The following PRKAR1A variants were observed in gnomAD, a reference collection of about 807,000 sequenced individuals.
PRKAR1A encodes cAMP-dependent protein kinase type I-alpha regulatory subunit.
Under a neutral mutation model 52.0 loss-of-function variants are expected in PRKAR1A, and 3 were observed. That is an observed-to-expected ratio of 0.06 (90% CI 0.03 to 0.15). The LOEUF is 0.15. Ranked by LOEUF, PRKAR1A falls within the 10% of genes least tolerant of loss-of-function variation. The pLI is 1.00. For missense variants in PRKAR1A, 240 were observed against 477.4 expected (o/e 0.50, Z 4.63); for synonymous variants, 188 against 168.4 (o/e 1.12, Z -0.90).
chr17:68,457,894 G>A, the PRKAR1A span, among the ~76,000 whole-genome samples: 1,141 of 152,364 alleles, frequency 7.5e-3, 17 homozygotes, highest in African/African-American at 0.026. Context: ...GGGAGGGAGA[G>A]GGAAGAAGGA....
the PRKAR1A span, chr17:68,424,693 T>G: frequency 2.9e-6 from 1 of 342,968 alleles, no homozygotes; most frequent in South Asian, 2.1e-5. Context: ...GTGACCAACA[T>G]GGTGAAACCC....
the PRKAR1A span, among the ~76,000 whole-genome samples, chr17:68,474,911 C>A: frequency 6.6e-6 from 1 of 152,150 alleles, no homozygotes. Context: ...AAATCACAAT[C>A]AAAATGCCCA....
chr17:68,430,959 A>AG, the PRKAR1A span, among the ~76,000 whole-genome samples: 1 of 152,130 alleles, frequency 6.6e-6, no homozygotes, highest in Non-Finnish European at 1.5e-5. Flanking sequence ...CCAATGGGCT[A>AG]GGGGGTCTTT....
Position 68,524,917 on chromosome 17 carries a change from G to C in PRKAR1A, c.508G>C (p.Glu170Gln). ...AGETVIQQGD[E>Q]GDNFYVIDQG... ...ACTTTTTTACCCTCTTTTAGGTGAT[G>C]AAGGGGATAACTTCTATGTGATTGA... The change falls in exon 6 of 11, where the codon GAA (glutamate) becomes CAA (glutamine). Residue 170 changes from glutamate (E) to glutamine (Q), a missense_variant. Glu to Gln is a conservative substitution (Grantham distance 29). This residue lies in a region of PRKAR1A where 107 missense variants were observed against 290.9 expected (regional missense o/e 0.37). Transcript: ENST00000589228. 6.2e-7 allele frequency: 1 copy of C among 1,607,782 alleles called. No individual in the cohort carries two copies. The highest frequency in any genetic ancestry group is 8.5e-7 in the Non-Finnish European group (1 of 1,174,498).
chr17:68,474,453 C>T, the PRKAR1A span, among the ~76,000 whole-genome samples: 8 of 152,276 alleles, frequency 5.3e-5, no homozygotes, highest in African/African-American at 1.4e-4. Flanking sequence ...CCCGGGGGCC[C>T]GCTTGATCTC....
At chr17:68,480,542 G>T in the PRKAR1A span, among the ~76,000 whole-genome samples, 2 of 152,120 alleles carry the variant, frequency 1.3e-5, no homozygotes, top group Admixed American at 6.5e-5. Context: ...AGACTCAGAT[G>T]ACACAAGCTT....
intron 11 of PRKAR1A, among the ~76,000 whole-genome samples, chr17:68,546,885 G>A (rs1170130841): frequency 6.6e-6 from 1 of 151,136 alleles, no homozygotes; most frequent in Non-Finnish European, 1.5e-5. Context: ...TCCTTGATCT[G>A]TGGGCTGCAG....
chr17:68,456,485 C>T, the PRKAR1A span, among the ~76,000 whole-genome samples: 2 of 140,998 alleles, frequency 1.4e-5, no homozygotes, highest in African/African-American at 5.3e-5. Flanking sequence ...CCAGGGCTCG[C>T]TTCCATGAAA....
At chr17:68,520,334 C>G (rs2085565745) in intron 2 of PRKAR1A, among the ~76,000 whole-genome samples, 1 of 152,136 alleles carries the variant, frequency 6.6e-6, no homozygotes, top group Non-Finnish European at 1.5e-5. Flanking sequence ...GTAGTGGGGA[C>G]AGAATTTGAA....
At chr17:68,518,055 A>C (rs2085487316) in intron 2 of PRKAR1A, among the ~76,000 whole-genome samples, 1 of 152,256 alleles carries the variant, frequency 6.6e-6, no homozygotes, top group East Asian at 1.9e-4. Context: ...CATTCAGGGC[A>C]CACTGATGCA....
At chr17:68,551,007 A>G in intron 11 of PRKAR1A, 1 of 1,162,936 alleles carries the variant, frequency 8.6e-7, no homozygotes, top group African/African-American at 1.6e-5. Context: ...ATTGTATTCC[A>G]CTGGAAGAAG....
At chr17:68,537,310 AAG>A (rs1392869870), downstream of PRKAR1A, 3 of 876,368 alleles carry the variant, frequency 3.4e-6, no homozygotes, top group Admixed American at 2.0e-5. The surrounding 1 kb of genome is among the most constrained non-coding windows in gnomAD (Gnocchi z 4.2). Flanking sequence ...CCAAGGAGTA[AAG>A]ATTCAGTTCC....
chr17:68,509,925 C>A (rs1432305798), upstream of PRKAR1A, among the ~76,000 whole-genome samples: 2 of 152,140 alleles, frequency 1.3e-5, no homozygotes, highest in African/African-American at 2.4e-5. Context: ...CAGGACTCAG[C>A]AAGGAAGCAG....
chr17:68,428,950 A>G, the PRKAR1A span: 3 of 1,604,076 alleles, frequency 1.9e-6, no homozygotes, highest in Non-Finnish European at 2.6e-6. Context: ...AGGGCCAAGG[A>G]AAACATAAAC....
the PRKAR1A span, chr17:68,428,758 G>A: frequency 1.4e-4 from 169 of 1,227,360 alleles, no homozygotes; most frequent in Non-Finnish European, 1.7e-4. Flanking sequence ...GAAGCTTGTC[G>A]TTCTTGGCGA....
Position 68,533,332 on chromosome 17 carries a change from G to T in PRKAR1A, c.*2883G>T. ...AGAAGAGCATTCTTTAAATTGTGTT[G>T]CTTTGAACATGTGTACCTTTTCTAG... On this transcript the variant is annotated 3_prime_UTR_variant, in exon 11 of 11. Transcript: ENST00000589228. The T allele has an allele frequency of 9.4e-7, 1 of 1,062,934 alleles. No homozygotes were observed. Among genetic ancestry groups the T allele is most frequent in the Non-Finnish European group, 1.1e-6 (1 of 877,654 alleles). 65.8% of individuals were successfully genotyped at this position (1,062,934 alleles called of 1,614,324 possible). A position where few individuals can be genotyped will look rare whatever the true frequency, so the allele number is the denominator to read the frequency against.
chr17:68,539,372 T>G, intron 11 of PRKAR1A: 1 of 1,614,130 alleles, frequency 6.2e-7, no homozygotes, highest in Non-Finnish European at 8.5e-7. Flanking sequence ...GGATGGAGAT[T>G]TCATCATGGG....
At chr17:68,476,145 A>G in the PRKAR1A span, among the ~76,000 whole-genome samples, 615 of 152,188 alleles carry the variant, frequency 4.0e-3, 9 homozygotes, top group African/African-American at 0.014. Context: ...ATAATCTACT[A>G]TAATATTTAT....
chr17:68,481,546 A>G, the PRKAR1A span, among the ~76,000 whole-genome samples: 1 of 152,170 alleles, frequency 6.6e-6, no homozygotes, highest in African/African-American at 2.4e-5. Flanking sequence ...ATAATAATCT[A>G]ATGCCCATGC....
Sources: allele counts gnomAD v4.1 joint callset (sites outside exome capture counted in the v4.1 genomes callset), GRCh38; gene constraint gnomAD v4.1.1; regional missense constraint gnomAD v4.1.1; non-coding constraint Gnocchi (gnomAD v3.1); transcripts MANE v1.5; gene names NCBI Gene and HGNC (gene_info 2026-07-23, HGNC 2026-07-21).